The following PRR5 variants were observed in gnomAD, a reference collection of about 807,000 sequenced individuals.
The protein encoded by PRR5 is proline rich 5.
Under a neutral mutation model 30.6 loss-of-function variants are expected in PRR5, and 25 were observed. That is an observed-to-expected ratio of 0.82 (90% CI 0.60 to 1.14). The LOEUF (loss-of-function observed/expected upper bound fraction) is 1.14, where lower values mean the gene tolerates loss of function less well. Ranked by LOEUF, PRR5 falls within the 50% of genes most tolerant of loss-of-function variation. The pLI, the probability that PRR5 is intolerant of heterozygous loss-of-function variation, is 0.00. For synonymous variants in PRR5, 286 were observed against 247.1 expected (o/e 1.16, Z -1.48); for missense variants, 600 against 547.1 (o/e 1.10, Z -0.96).
chr22:44,687,296 A>G (rs569365107), intron 1 of PRR5, among the ~76,000 whole-genome samples: 9 of 152,338 alleles, frequency 5.9e-5, no homozygotes, highest in Admixed American at 1.3e-4. Flanking sequence ...GAACATTACA[A>G]TTCTTCTAGC....
chr22:44,694,506 C>G (rs992721460), intron 1 of PRR5, among the ~76,000 whole-genome samples: 3 of 152,304 alleles, frequency 2.0e-5, no homozygotes, highest in Middle Eastern at 3.4e-3. Flanking sequence ...GCACTCCAGC[C>G]TGGGCAATAG....
At chr22:44,697,731 G>C (rs1279906544), upstream of PRR5, among the ~76,000 whole-genome samples, 1 of 152,212 alleles carries the variant, frequency 6.6e-6, no homozygotes, top group Non-Finnish European at 1.5e-5. Flanking sequence ...CAGCCCGCAG[G>C]GCTCCAGCCT....
At chr22:44,725,945 G>A (rs143184941) in intron 3 of PRR5, among the ~76,000 whole-genome samples, 10,771 of 152,328 alleles carry the variant, frequency 0.071, 432 homozygotes, top group East Asian at 0.12. Flanking sequence ...GATTACAGGC[G>A]TGAGCCACCG....
At chr22:44,715,117 T>C (rs764872347) in intron 2 of PRR5, among the ~76,000 whole-genome samples, 15 of 152,304 alleles carry the variant, frequency 9.8e-5, no homozygotes, top group Non-Finnish European at 1.9e-4. Context: ...CCTCGTTTCC[T>C]GTGAATAGCC....
intron 6 of PRR5, 139 bp from the exon 7 acceptor site, chr22:44,734,888 A>T (rs768280314): frequency 8.8e-6 from 11 of 1,250,470 alleles, no homozygotes; most frequent in Non-Finnish European, 1.2e-5. Context: ...GGGCCCTGCC[A>T]TGGGGACAGA....
At chr22:44,723,459 C>G (rs549875736) in intron 2 of PRR5, among the ~76,000 whole-genome samples, 5 of 152,316 alleles carry the variant, frequency 3.3e-5, no homozygotes, top group African/African-American at 1.2e-4. Context: ...GTGGCTCACG[C>G]CTGTAATCCC....
chr22:44,708,966 C>CAA (rs60854330), intron 1 of PRR5, among the ~76,000 whole-genome samples: 1,845 of 64,194 alleles, frequency 0.029, 151 homozygotes, highest in African/African-American at 0.051. Context: ...GACTCTGTCT[C>CAA]AAAAAAAAAA....
intron 2 of PRR5, among the ~76,000 whole-genome samples, chr22:44,724,463 G>T (rs1284506101): frequency 6.6e-6 from 1 of 152,090 alleles, no homozygotes; most frequent in African/African-American, 2.4e-5. Flanking sequence ...TTTTCCTAAA[G>T]GGAATAGCAA....
Position 44,714,651 on chromosome 22 carries a change from C to T in PRR5, c.195C>T (p.Phe65=). The change falls in exon 2 of 8, where the codon TTC becomes TTT. Residue 65 remains phenylalanine, a synonymous_variant. Transcript: ENST00000336985. ...AGGGGCTGCCCGACCAGGAGCTCTT[C>T]AGCCTCAACGAGGGCGTCCGGTGAG... ...QRKGLPDQEL[F]SLNEGVRQLL... The T allele has an allele frequency of 6.2e-7, 1 of 1,613,896 alleles. No homozygotes were observed. Among genetic ancestry groups the T allele is most frequent in the Non-Finnish European group, 8.5e-7 (1 of 1,180,006 alleles).
intron 4 of PRR5, chr22:44,729,581 T>C: frequency 1.0e-6 from 1 of 985,362 alleles, no homozygotes; most frequent in Non-Finnish European, 1.2e-6. Flanking sequence ...GCCCCTTTCA[T>C]AGAGGATGCC....
chr22:44,720,581 A>G (rs1170943014), intron 2 of PRR5, among the ~76,000 whole-genome samples: 5 of 152,190 alleles, frequency 3.3e-5, no homozygotes, highest in Non-Finnish European at 7.3e-5. Flanking sequence ...TCCGTTTAGC[A>G]TTCATTGTGA....
chr22:44,681,032 C>T (rs912639034), intron 1 of PRR5, among the ~76,000 whole-genome samples: 2 of 152,250 alleles, frequency 1.3e-5, no homozygotes, highest in African/African-American at 4.8e-5. Context: ...ACGGCAGCGG[C>T]TCTGCCTTCC....
intron 4 of PRR5, 26 bp downstream of exon 4, chr22:44,726,660 C>G: frequency 6.2e-7 from 1 of 1,613,918 alleles, no homozygotes; most frequent in Non-Finnish European, 8.5e-7. Context: ...TTGGCGGCCA[C>G]TCTGGGCCAT....
rs1923497834 is a variant in PRR5, at chr22:44,737,474, G to A, written c.*227G>A. ...GCATCTGAGTCGGCGTTTACCCAGG[G>A]GCCGGGCCAGAGACGGGGGTCGGCC... On this transcript the variant is annotated 3_prime_UTR_variant, in exon 8 of 8. Transcript: ENST00000336985. 1.1e-6 allele frequency: 1 copy of A among 920,502 alleles called. No homozygotes were observed. The highest frequency in any genetic ancestry group is 1.5e-6 in the Non-Finnish European group (1 of 656,350). 57.0% of individuals were successfully genotyped at this position (920,502 alleles called of 1,614,324 possible).
chr22:44,684,721 G>A (rs1467355795), intron 1 of PRR5, among the ~76,000 whole-genome samples: 5 of 152,238 alleles, frequency 3.3e-5, no homozygotes, highest in Non-Finnish European at 7.3e-5. Flanking sequence ...GGCAGACAGC[G>A]GGTGTGGGTG....
chr22:44,730,876 G>C lies in PRR5; in HGVS notation c.323-854G>C, dbSNP rs1245490560. ...GGCTCAGCCTCTGTCTGCTTGGTGG[G>C]GGGTCGATCACCCCTGGCTACTGCC... On this transcript the variant is annotated intron_variant, in intron 4 of 7. Coordinates refer to ENST00000336985, the MANE Select transcript of PRR5 (RefSeq NM_181333.4). 3 of 448,672 alleles carry C rather than the reference G, an allele frequency of 6.7e-6. No homozygotes were observed. In the Admixed American group the frequency reaches 7.6e-5, roughly 11 times the overall value. 27.8% of individuals were successfully genotyped at this position (448,672 alleles called of 1,614,324 possible). A position where few individuals can be genotyped will look rare whatever the true frequency, so the allele number is the denominator to read the frequency against.
At chr22:44,689,145 T>C (rs1389264877) in intron 1 of PRR5, among the ~76,000 whole-genome samples, 1 of 152,188 alleles carries the variant, frequency 6.6e-6, no homozygotes, top group Non-Finnish European at 1.5e-5. Context: ...TCTCGTTCTC[T>C]AAATTGCCCA....
chr22:44,728,770 A>G (rs1158680841), intron 4 of PRR5, among the ~76,000 whole-genome samples: 1 of 152,208 alleles, frequency 6.6e-6, no homozygotes, highest in Non-Finnish European at 1.5e-5. Flanking sequence ...CTGTCCCTAC[A>G]GAGCCTCTAC....
In PRR5 at chr22:44,735,245, C is replaced by G. The variant is rs190040875; in HGVS notation, c.691+83C>G. 1.1e-3 allele frequency: 1,585 copies of G among 1,442,690 alleles called. 2 individuals are homozygous for G. The highest frequency in any genetic ancestry group is 1.3e-3 in the Non-Finnish European group (1,352 of 1,068,192). The allele number at this position is 1,442,690 out of a possible 1,614,324, so 89.4% of individuals were successfully genotyped here. ...GTGAACAAATGGGCAAGCCGAGGCC[C>G]CACGACAGAACCAGGATCTGACTCC... On this transcript the variant is annotated intron_variant, in intron 7 of 7. Coordinates refer to ENST00000336985, the MANE Select transcript of PRR5 (RefSeq NM_181333.4).
Sources: allele counts gnomAD v4.1 joint callset (sites outside exome capture counted in the v4.1 genomes callset), GRCh38; gene constraint gnomAD v4.1.1; transcripts MANE v1.5; gene names NCBI Gene and HGNC (gene_info 2026-07-23, HGNC 2026-07-21).